Variants in SYNPO2 observed in about 807,000 individuals in gnomAD.
SYNPO2 encodes the protein synaptopodin 2.
A neutral mutation model predicts 85.0 loss-of-function variants in SYNPO2; 56 were observed. That is an observed-to-expected ratio of 0.66 (90% CI 0.53 to 0.82). The LOEUF (loss-of-function observed/expected upper bound fraction) is 0.82. Among genes scored for constraint, SYNPO2 ranks in the 40% least tolerant of loss-of-function variants. SYNPO2 has a pLI of 0.00. For synonymous variants in SYNPO2, 602 were observed against 591.1 expected (o/e 1.02, Z -0.27); for missense variants, 1,575 against 1,534.2 (o/e 1.03, Z -0.44).
At chr4:119,034,510 T>C in intron 4 of SYNPO2, 1 of 985,486 alleles carries the variant, frequency 1.0e-6, no homozygotes, top group Non-Finnish European at 1.2e-6. Flanking sequence ...TAGGACTATT[T>C]GGAGTTCTCC....
intron 1 of SYNPO2, among the ~76,000 whole-genome samples, chr4:118,965,355 C>T (rs1453231203): frequency 6.6e-6 from 1 of 152,120 alleles, no homozygotes; most frequent in East Asian, 1.9e-4. Flanking sequence ...CCAATCTTCT[C>T]ATCCATCTCC....
At chr4:119,017,949 C>G (rs1353956914) in intron 1 of SYNPO2, among the ~76,000 whole-genome samples, 2 of 151,982 alleles carry the variant, frequency 1.3e-5, no homozygotes, top group Non-Finnish European at 2.9e-5. Context: ...CTTGGAAGAC[C>G]TGGAAATGAA....
intron 1 of SYNPO2, among the ~76,000 whole-genome samples, chr4:118,891,334 T>C (rs982239864): frequency 6.6e-6 from 1 of 152,222 alleles, no homozygotes; most frequent in Non-Finnish European, 1.5e-5. Context: ...TTTTTGTGTG[T>C]TTGTGTGTGC....
At chr4:118,870,549 A>G (rs2110571790) in intron 1 of SYNPO2, among the ~76,000 whole-genome samples, 1 of 152,288 alleles carries the variant, frequency 6.6e-6, no homozygotes, top group Admixed American at 6.5e-5. Flanking sequence ...TTGTGTATAT[A>G]CCCAGTAATG....
intron 1 of SYNPO2, 41 bp from the exon 2 acceptor site, chr4:119,023,389 T>G: frequency 6.4e-7 from 1 of 1,558,388 alleles, no homozygotes; most frequent in Non-Finnish European, 8.7e-7. Flanking sequence ...TTTTTACAAA[T>G]TATATCATTC....
chr4:118,879,412 C>T (rs111989949), intron 1 of SYNPO2, among the ~76,000 whole-genome samples: 3 of 152,048 alleles, frequency 2.0e-5, no homozygotes, highest in African/African-American at 7.3e-5. Flanking sequence ...TGGGGCTGTG[C>T]GAAGGTAATT....
rs190775631 is a variant in SYNPO2, at chr4:119,036,572, C to T, written c.3252+4545C>T. The T allele has an allele frequency of 7.8e-5, 77 of 985,462 alleles. No homozygotes were observed. The East Asian group carries it at 6.8e-3, about 87-fold the overall frequency. 61.0% of individuals were successfully genotyped at this position (985,462 alleles called of 1,614,324 possible). ...AGGATCCAGACACCAGGCAAAATTG[C>T]TCTAAGAAGCCAGTTACTGTCATCC... On this transcript the variant is annotated intron_variant, in intron 4 of 4. Coordinates refer to ENST00000307142, the MANE Select transcript of SYNPO2 (RefSeq NM_133477.3).
At chr4:118,958,604 A>G (rs1199097645) in intron 1 of SYNPO2, among the ~76,000 whole-genome samples, 1 of 147,988 alleles carries the variant, frequency 6.8e-6, no homozygotes, top group African/African-American at 2.4e-5. Context: ...ATCCATTTCC[A>G]GTGGATGGGA....
chr4:119,004,398 C>T (rs1353679801), intron 1 of SYNPO2, among the ~76,000 whole-genome samples: 2 of 146,472 alleles, frequency 1.4e-5, no homozygotes. Context: ...CACAACAGTC[C>T]CCGGTGTGTG....
intron 1 of SYNPO2, among the ~76,000 whole-genome samples, chr4:118,875,601 C>T (rs1309792974): frequency 2.0e-5 from 3 of 152,112 alleles, no homozygotes; most frequent in Non-Finnish European, 1.5e-5. Flanking sequence ...TAGCATGTTC[C>T]TGAAAAGGGA....
chr4:118,859,571 G>A (rs954057122), intron 1 of SYNPO2, among the ~76,000 whole-genome samples: 2 of 152,028 alleles, frequency 1.3e-5, no homozygotes, highest in African/African-American at 4.8e-5. Flanking sequence ...CCAACCCCCT[G>A]CCACTACCCT....
At position 118,976,453 on chromosome 4, in the gene SYNPO2, C is replaced by G. The variant is rs1333228165; in HGVS notation, c.106-46977C>G. On this transcript the variant is annotated intron_variant, in intron 1 of 4. Transcript: ENST00000307142. ...AGTGCAAAAGAACAAAGCTTCCACA[C>G]TGTGGAAGGGGACCCTAGCGGGTTG... 4.6e-5 allele frequency among the ~76,000 whole-genome samples: 7 copies of G among 152,296 alleles called. No homozygotes were observed. In the East Asian group the frequency reaches 1.2e-3, roughly 25 times the overall value.
chr4:118,931,354 A>G (rs1209525624), intron 1 of SYNPO2, among the ~76,000 whole-genome samples: 1 of 152,204 alleles, frequency 6.6e-6, no homozygotes, highest in Non-Finnish European at 1.5e-5. Context: ...TTAAACTATT[A>G]TACTACTGAC....
rs1739266435 is a variant in SYNPO2, at chr4:119,057,900, A to G, written c.3752A>G (p.Asn1251Ser). 2 of 1,613,996 alleles carry G rather than the reference A, an allele frequency of 1.2e-6. No homozygotes were observed. Among genetic ancestry groups the G allele is most frequent in the East Asian group, 2.2e-5 (1 of 44,854 alleles). The change falls in exon 5 of 5, where the codon AAC becomes AGC. Residue 1251 changes from asparagine to serine, a missense_variant. Asn to Ser is a conservative substitution (Grantham distance 46, BLOSUM62 1). Coordinates refer to ENST00000307142, the MANE Select transcript of SYNPO2 (RefSeq NM_133477.3). The part of the protein sequence containing the change: ...YCLPVADYNY[N>S]PHPRGWRRQT ...CTTCCAGTAGCTGATTACAACTACAACCCACACCCAAGGGGATGGAGACGC... is the reference window on the plus strand; with the variant it reads ...CTTCCAGTAGCTGATTACAACTACAGCCCACACCCAAGGGGATGGAGACGC...
At chr4:119,038,584 GT>G in intron 4 of SYNPO2, 1 of 984,632 alleles carries the variant, frequency 1.0e-6, no homozygotes, top group Non-Finnish European at 1.2e-6. Context: ...TTCTTATTAA[GT>G]AGTGAATCAG....
At position 118,930,751 on chromosome 4, in the gene SYNPO2, CAA is replaced by C. The variant is rs3051232; in HGVS notation, c.105+41628_105+41629del. Among the ~76,000 whole-genome samples the C allele has an allele frequency of 7.8e-3, 940 of 119,970 alleles. 3 individuals carry two copies. The highest frequency in any genetic ancestry group is 9.5e-3 in the African/African-American group (287 of 30,354). The allele number at this position is 119,970 out of a possible 152,430, so 78.7% of individuals were successfully genotyped here. ...GGAACATAGGAAGACCCCATATCTA[CAA>C]AAAAAAAAAAAAAAAAATTAGCCAG... On this transcript the variant is annotated intron_variant, in intron 1 of 4. Coordinates refer to ENST00000307142, the MANE Select transcript of SYNPO2 (RefSeq NM_133477.3).
chr4:119,007,239 TATATATGTATATAC>T (rs1402707312), intron 1 of SYNPO2, among the ~76,000 whole-genome samples: 37 of 42,918 alleles, frequency 8.6e-4, no homozygotes, highest in African/African-American at 2.1e-3. Flanking sequence ...TATATATATA[TATATATGTATATAC>T]ATATATATAT....
Position 119,060,526 on chromosome 4 carries a change from T to C in SYNPO2, c.*2592T>C, listed in dbSNP as rs3756153. On this transcript the variant is annotated 3_prime_UTR_variant, in exon 5 of 5. Transcript: ENST00000307142. Reference sequence around the variant, plus strand: ...AAGCTAATGGTTGAGACAAGACACCTGCCAGAGTGAAGTTTGATTCCTATG... The same window carrying C: ...AAGCTAATGGTTGAGACAAGACACCCGCCAGAGTGAAGTTTGATTCCTATG... 0.19 allele frequency: 29,578 copies of C among 152,124 alleles called. 3,724 individuals carry two copies. Among genetic ancestry groups the C allele is most frequent in the African/African-American group, 0.35 (14,528 of 41,478 alleles). 9.4% of individuals were successfully genotyped at this position (152,124 alleles called of 1,614,324 possible). A position where few individuals can be genotyped will look rare whatever the true frequency, so the allele number is the denominator to read the frequency against.
At chr4:118,851,215 ATTAT>A (rs777123808) in intron 1 of SYNPO2, among the ~76,000 whole-genome samples, 54 of 152,222 alleles carry the variant, frequency 3.5e-4, no homozygotes, top group Non-Finnish European at 5.6e-4. Flanking sequence ...ATACAATTAC[ATTAT>A]TTAAGACAGT....
Sources: allele counts gnomAD v4.1 joint callset (sites outside exome capture counted in the v4.1 genomes callset), GRCh38; gene constraint gnomAD v4.1.1; transcripts MANE v1.5; gene names NCBI Gene and HGNC (gene_info 2026-07-23, HGNC 2026-07-21).